Variants in MAPRE2 observed in about 807,000 individuals in gnomAD.
MAPRE2 encodes microtubule associated protein RP/EB family member 2.
A neutral mutation model predicts 43.2 loss-of-function variants in MAPRE2; 13 were observed. The observed-to-expected ratio is 0.30, with a 90% CI of 0.20 to 0.48. The LOEUF (loss-of-function observed/expected upper bound fraction) is 0.48. MAPRE2 is among the 20% of genes least tolerant of loss of function. The pLI, the probability that MAPRE2 is intolerant of heterozygous loss-of-function variation, is 0.99. For missense variants in MAPRE2, 161 were observed against 400.2 expected (o/e 0.40, Z 5.10); for synonymous variants, 135 against 148.8 (o/e 0.91, Z 0.68).
rs2097020239 is a variant in MAPRE2 at position 34,985,547 on chromosome 18, ATATATTATATAT to A, written c.-70+8473_-70+8484del. 4.6e-5 allele frequency among the ~76,000 whole-genome samples: 3 copies of A among 65,178 alleles called. 1 individual carries two copies. Among genetic ancestry groups the A allele is most frequent in the Non-Finnish European group, 8.0e-5 (3 of 37,336 alleles). The allele number at this position is 65,178 out of a possible 152,430, so 42.8% of individuals were successfully genotyped here. A position where few individuals can be genotyped will look rare whatever the true frequency, so the allele number is the denominator to read the frequency against. ...ATATTATAAATATAATATATAATAT[ATATATTATATAT>A]TATAAATATAATATATAAACTATAA... On this transcript the variant is annotated intron_variant, in intron 1 of 7. Transcript: ENST00000413393.
intron 1 of MAPRE2, among the ~76,000 whole-genome samples, chr18:35,052,058 A>G (rs1905964850): frequency 6.6e-6 from 1 of 152,208 alleles, no homozygotes; most frequent in Admixed American, 6.5e-5. Context: ...ATTATACTAC[A>G]GTCTTTTTTC....
At chr18:34,992,327 T>A (rs1032292688) in intron 1 of MAPRE2, among the ~76,000 whole-genome samples, 1 of 152,224 alleles carries the variant, frequency 6.6e-6, no homozygotes, top group Non-Finnish European at 1.5e-5. Flanking sequence ...GTTCAAAGTC[T>A]GTGCAATGAT....
chr18:35,138,353 G>A (rs1395865510), intron 6 of MAPRE2, among the ~76,000 whole-genome samples: 2 of 152,156 alleles, frequency 1.3e-5, no homozygotes, highest in African/African-American at 2.4e-5. Flanking sequence ...TTCCAGAAGT[G>A]GAGCTAGTTC....
chr18:35,076,320 G>A (rs1326609796), intron 2 of MAPRE2, among the ~76,000 whole-genome samples: 1 of 152,182 alleles, frequency 6.6e-6, no homozygotes, highest in African/African-American at 2.4e-5. Flanking sequence ...ACCACACTGT[G>A]GTAAGTGCTG....
intron 4 of MAPRE2, among the ~76,000 whole-genome samples, chr18:35,120,198 C>T (rs1017688563): frequency 6.6e-5 from 10 of 152,146 alleles, no homozygotes; most frequent in Admixed American, 4.6e-4. Flanking sequence ...GAAGGATGTC[C>T]AATTCCCTAC....
chr18:34,990,929 G>T (rs1415734778), intron 1 of MAPRE2, among the ~76,000 whole-genome samples: 1 of 152,124 alleles, frequency 6.6e-6, no homozygotes, highest in African/African-American at 2.4e-5. Flanking sequence ...TGGATCCCTT[G>T]GTCTTTTCAT....
intron 1 of MAPRE2, among the ~76,000 whole-genome samples, chr18:35,056,511 C>G (rs903503807): frequency 1.3e-5 from 2 of 152,106 alleles, no homozygotes; most frequent in Non-Finnish European, 1.5e-5. Context: ...GTCTCTAACC[C>G]TAGGAACCTA....
chr18:35,027,236 T>C (rs2097045699), intron 2 of MAPRE2, among the ~76,000 whole-genome samples: 1 of 152,212 alleles, frequency 6.6e-6, no homozygotes, highest in East Asian at 1.9e-4. Flanking sequence ...GTGGTGTTGA[T>C]AGCCCTTCCT....
chr18:35,127,113 T>C (rs1222764682), intron 5 of MAPRE2, 26 bp downstream of exon 5: 1 of 1,613,742 alleles, frequency 6.2e-7, no homozygotes, highest in Non-Finnish European at 8.5e-7. Context: ...TGGCCACGCC[T>C]CTAGGAGCAG....
At chr18:35,092,250 C>T (rs1209971752) in intron 2 of MAPRE2, among the ~76,000 whole-genome samples, 1 of 152,174 alleles carries the variant, frequency 6.6e-6, no homozygotes, top group African/African-American at 2.4e-5. Context: ...AGATCCAAAC[C>T]ATATCACCTG....
chr18:35,051,797 G>A (rs887076427), intron 1 of MAPRE2, among the ~76,000 whole-genome samples: 5 of 152,180 alleles, frequency 3.3e-5, no homozygotes, highest in African/African-American at 1.2e-4. Context: ...AATAATAGTA[G>A]CATCAACTTC....
At chr18:35,024,090 C>T (rs867870640) in intron 2 of MAPRE2, among the ~76,000 whole-genome samples, 4 of 152,192 alleles carry the variant, frequency 2.6e-5, no homozygotes, top group South Asian at 2.1e-4. Flanking sequence ...ATAAACAAAG[C>T]GTTGATGCTT....
intron 1 of MAPRE2, among the ~76,000 whole-genome samples, chr18:35,063,899 G>A (rs1906685256): frequency 6.7e-6 from 1 of 148,908 alleles, no homozygotes; most frequent in South Asian, 2.2e-4. Context: ...TTGAGAGGCT[G>A]AGCTAAGAGC....
At chr18:35,136,648 C>T (rs748869148) in intron 6 of MAPRE2, among the ~76,000 whole-genome samples, 2 of 152,146 alleles carry the variant, frequency 1.3e-5, no homozygotes, top group Non-Finnish European at 1.5e-5. Context: ...GAAGAAAGAC[C>T]AGCAGCCACA....
chr18:35,094,248 CAA>C (rs1297036275), intron 2 of MAPRE2, among the ~76,000 whole-genome samples: 1 of 151,962 alleles, frequency 6.6e-6, no homozygotes, highest in Non-Finnish European at 1.5e-5. Flanking sequence ...TTATCAAAAA[CAA>C]AATACAAATT....
intron 6 of MAPRE2, among the ~76,000 whole-genome samples, chr18:35,139,023 ACCT>A (rs1483643912): frequency 1.3e-5 from 2 of 152,122 alleles, no homozygotes; most frequent in Non-Finnish European, 2.9e-5. Context: ...GACCTCAGTA[ACCT>A]CAGCATCCAG....
intron 2 of MAPRE2, among the ~76,000 whole-genome samples, chr18:35,013,017 A>G (rs1024901389): frequency 1.3e-5 from 2 of 152,230 alleles, no homozygotes; most frequent in African/African-American, 4.8e-5. Flanking sequence ...TAGCATTTCA[A>G]GAATAGCAGG....
chr18:34,987,174 T>A (rs2097021440), intron 1 of MAPRE2, among the ~76,000 whole-genome samples: 1 of 152,226 alleles, frequency 6.6e-6, no homozygotes, highest in South Asian at 2.1e-4. Flanking sequence ...TTCACCAATT[T>A]TTTAATAGAA....
At chr18:35,057,769 A>G (rs1262590975) in intron 1 of MAPRE2, among the ~76,000 whole-genome samples, 2 of 152,142 alleles carry the variant, frequency 1.3e-5, no homozygotes, top group African/African-American at 4.8e-5. Context: ...ATACAGGGAA[A>G]TCCATTCTCT....
Sources: gnomAD v4.1 joint callset for allele counts (sites outside exome capture counted in the v4.1 genomes callset) on GRCh38, gnomAD v4.1.1 for gene constraint, MANE v1.5 for transcripts, NCBI Gene and HGNC (gene_info 2026-07-23, HGNC 2026-07-21) for gene names.